ABCA5: variants seen among roughly 807,000 people sequenced by gnomAD.
ABCA5 encodes the protein cholesterol transporter ABCA5.
In ABCA5, 163 loss-of-function variants were observed where a neutral mutation model predicts 206.0. The observed-to-expected ratio is 0.79, with a 90% CI of 0.70 to 0.90. The LOEUF is 0.90. ABCA5 is among the 40% of genes least tolerant of loss of function. The pLI is 0.00. For synonymous variants in ABCA5, 609 were observed against 613.8 expected (o/e 0.99, Z 0.11); for missense variants, 1,859 against 1,912.9 (o/e 0.97, Z 0.53).
chr17:69,286,180 A>G (rs763522983), intron 16 of ABCA5, 41 bp downstream of exon 16: 2 of 1,568,622 alleles, frequency 1.3e-6, no homozygotes, highest in Non-Finnish European at 1.7e-6. Flanking sequence ...CAGTATAGCA[A>G]GAGTATAATA....
At chr17:69,251,547 T>TA in intron 35 of ABCA5, 200 bp downstream of exon 35, 1 of 609,562 alleles carries the variant, frequency 1.6e-6, no homozygotes, top group Non-Finnish European at 2.6e-6. Flanking sequence ...ATTGAAATAT[T>TA]AAGTGAATTC....
chr17:69,301,237 G>T lies in ABCA5; in HGVS notation c.1169C>A (p.Thr390Asn). The T allele has an allele frequency of 1.2e-6, 2 of 1,601,456 alleles. No homozygotes were observed. Among genetic ancestry groups the T allele is most frequent in the East Asian group, 4.5e-5 (2 of 44,274 alleles). ...AATAATTAGAGGATATGGGCCTGCA[G>T]TCAAATTTGAAAATGAAGCACCTTC... is the stretch of plus-strand genomic sequence containing the variant. ...FNEGASFSNLTAGPYPLIITI... is the reference protein window; with the variant it reads ...FNEGASFSNLNAGPYPLIITI... Residue 390 changes from threonine (T) to asparagine (N), a missense_variant, in exon 9 of 39, where the codon ACT becomes AAT. By Grantham distance (65) the Thr-to-Asn change is moderately conservative (BLOSUM62 0). Transcript: ENST00000392676.
Position 69,268,022 on chromosome 17 carries a change from T to C in ABCA5, c.3065A>G (p.Tyr1022Cys), listed in dbSNP as rs371051545. The change falls in exon 23 of 39, where the codon TAT becomes TGT. Residue 1022 changes from tyrosine to cysteine, a missense_variant. By Grantham distance (194) the Tyr-to-Cys change is radical. Coordinates refer to ENST00000392676, the MANE Select transcript of ABCA5 (RefSeq NM_172232.4). Reference sequence around the variant, plus strand: ...GATTCCAAGCAAAGCTGCTTGAAAATACAGCTCAATTTTAAAAACTATATC... The same window carrying C: ...GATTCCAAGCAAAGCTGCTTGAAAACACAGCTCAATTTTAAAAACTATATC... ...ITDIVFKIEL[Y>C]FQAALLGIIV... 5 of 1,606,958 alleles carry C rather than the reference T, an allele frequency of 3.1e-6. No homozygotes were observed. Among genetic ancestry groups the C allele is most frequent in the Non-Finnish European group, 4.3e-6 (5 of 1,174,528 alleles).
In ABCA5 at chr17:69,300,245, G is replaced by A. The variant is rs182203419; in HGVS notation, c.1267+894C>T. 1.4e-3 allele frequency among the ~76,000 whole-genome samples: 206 copies of A among 152,214 alleles called. 2 individuals are homozygous for A. Among genetic ancestry groups the A allele is most frequent in the South Asian group, 2.5e-3 (12 of 4,820 alleles). ...CATGCAACCTAGATCCTTCACATGCGCGGTTCGCAATAGGGTTCATACTCC... is the reference window on the plus strand; with the variant it reads ...CATGCAACCTAGATCCTTCACATGCACGGTTCGCAATAGGGTTCATACTCC... On this transcript the variant is annotated intron_variant, in intron 9 of 38. Transcript: ENST00000392676.
intron 14 of ABCA5, among the ~76,000 whole-genome samples, chr17:69,288,719 G>A (rs200746850): frequency 1.4e-5 from 2 of 145,188 alleles, no homozygotes; most frequent in African/African-American, 2.6e-5. Context: ...AAAAAAAAAA[G>A]AAGAAAGAAA....
chr17:69,258,583 C>T (rs1176166087), intron 28 of ABCA5, among the ~76,000 whole-genome samples: 2 of 152,150 alleles, frequency 1.3e-5, no homozygotes, highest in Middle Eastern at 3.4e-3. Context: ...GAAAAACTAC[C>T]TATTAGGTAC....
At chr17:69,306,551 A>T (rs1181353569) in intron 6 of ABCA5, among the ~76,000 whole-genome samples, 174 bp downstream of exon 6, 1 of 152,098 alleles carries the variant, frequency 6.6e-6, no homozygotes, top group African/African-American at 2.4e-5. Context: ...AATGAAGCCA[A>T]TTAGTTGTTG....
chr17:69,277,462 CAG>C (rs2075345937), intron 19 of ABCA5, among the ~76,000 whole-genome samples, 177 bp downstream of exon 19: 1 of 152,102 alleles, frequency 6.6e-6, no homozygotes, highest in Non-Finnish European at 1.5e-5. Context: ...AAGTGTAAGA[CAG>C]GGTATTCGAT....
At chr17:69,280,270 GACAC>G (rs1368144115) in intron 18 of ABCA5, among the ~76,000 whole-genome samples, 1 of 152,150 alleles carries the variant, frequency 6.6e-6, no homozygotes, top group Non-Finnish European at 1.5e-5. Flanking sequence ...GCAGCCAAAA[GACAC>G]ATGAAAAAAC....
At chr17:69,259,891 C>A in intron 27 of ABCA5, 94 bp from the exon 28 acceptor site, 1 of 613,636 alleles carries the variant, frequency 1.6e-6, no homozygotes, top group Non-Finnish European at 2.7e-6. Flanking sequence ...CTACATACAT[C>A]AAGTTCCTTG....
chr17:69,322,363 C>CAAAAA lies in ABCA5; in HGVS notation c.-16+4684_-16+4688dup, dbSNP rs3029978. ...CTGGCAACAGAGCAAGATTCCGTCT[C>CAAAAA]AAAAAAAAAAAAAAAAAAAAAAAAG... On this transcript the variant is annotated intron_variant, in intron 1 of 38. Coordinates refer to ENST00000392676, the MANE Select transcript of ABCA5 (RefSeq NM_172232.4). Among the ~76,000 whole-genome samples, 448 of 52,246 alleles carry CAAAAA rather than the reference C, an allele frequency of 8.6e-3. 58 individuals carry two copies. The highest frequency in any genetic ancestry group is 0.011 in the Non-Finnish European group (349 of 30,670). 34.3% of individuals were successfully genotyped at this position (52,246 alleles called of 152,430 possible). A position where few individuals can be genotyped will look rare whatever the true frequency, so the allele number is the denominator to read the frequency against.
At position 69,244,907 on chromosome 17, in the gene ABCA5, ATAAG is replaced by A. The variant is rs1375754035; in HGVS notation, c.*2626_*2629del. ...AATAATAGCTAGTTATATAAGTTAT[ATAAG>A]TAATATATTATATATATTTTATGTA... On this transcript the variant is annotated 3_prime_UTR_variant, in exon 39 of 39. Coordinates refer to ENST00000392676, the MANE Select transcript of ABCA5 (RefSeq NM_172232.4). 1 of 149,214 alleles carries A rather than the reference ATAAG, an allele frequency of 6.7e-6. No homozygotes were observed. The highest frequency in any genetic ancestry group is 1.5e-5 in the Non-Finnish European group (1 of 67,330). 9.2% of individuals were successfully genotyped at this position (149,214 alleles called of 1,614,324 possible).
intron 17 of ABCA5, 87 bp downstream of exon 17, chr17:69,285,811 G>A: frequency 7.3e-7 from 1 of 1,367,930 alleles, no homozygotes; most frequent in Non-Finnish European, 9.9e-7. Context: ...ATACTACATG[G>A]AGAAGGAAAC....
intron 30 of ABCA5, 38 bp from the exon 31 acceptor site, chr17:69,255,672 C>A: frequency 6.4e-7 from 1 of 1,571,516 alleles, no homozygotes; most frequent in South Asian, 1.2e-5. Flanking sequence ...ATAATCAAAT[C>A]ATACTAAAAG....
At chr17:69,277,522 A>G in intron 19 of ABCA5, 119 bp downstream of exon 19, 1 of 762,278 alleles carries the variant, frequency 1.3e-6, no homozygotes, top group Non-Finnish European at 2.0e-6. Context: ...TACAGTGGTA[A>G]TCTTTCGAAA....
chr17:69,298,326 G>GGAAGGAAGGAAA (rs2075613471), intron 9 of ABCA5, among the ~76,000 whole-genome samples: 1 of 149,126 alleles, frequency 6.7e-6, no homozygotes, highest in South Asian at 2.2e-4. Context: ...GAGGAAGGAA[G>GGAAGGAAGGAAA]GAAGGAAGGA....
chr17:69,322,823 CAT>C (rs1287128705), intron 1 of ABCA5, among the ~76,000 whole-genome samples: 1 of 152,110 alleles, frequency 6.6e-6, no homozygotes, highest in Non-Finnish European at 1.5e-5. Context: ...TGATTAAAAA[CAT>C]ATCCATGTTT....
At chr17:69,312,935 CA>C (rs1265185232) in intron 3 of ABCA5, among the ~76,000 whole-genome samples, 156 bp downstream of exon 3, 3 of 151,788 alleles carry the variant, frequency 2.0e-5, no homozygotes, top group Non-Finnish European at 4.4e-5. Context: ...AAAAATAAGG[CA>C]ACAGAATTAA....
intron 9 of ABCA5, among the ~76,000 whole-genome samples, chr17:69,299,883 TCAGA>T (rs1433731964): frequency 6.6e-6 from 1 of 152,064 alleles, no homozygotes; most frequent in Non-Finnish European, 1.5e-5. Flanking sequence ...GGTGAAGTGC[TCAGA>T]CAGACTTGAG....
Sources: allele counts gnomAD v4.1 joint callset (sites outside exome capture counted in the v4.1 genomes callset), GRCh38; gene constraint gnomAD v4.1.1; transcripts MANE v1.5; gene names NCBI Gene and HGNC (gene_info 2026-07-23, HGNC 2026-07-21).